Variants in ANKS1A observed in about 807,000 individuals in gnomAD.
ANKS1A encodes ankyrin repeat and sterile alpha motif domain containing 1A.
Under a neutral mutation model 120.3 loss-of-function variants are expected in ANKS1A, and 55 were observed. The observed-to-expected ratio is 0.46, with a 90% CI of 0.37 to 0.57. The LOEUF (loss-of-function observed/expected upper bound fraction) is 0.57. Ranked by LOEUF, ANKS1A falls within the 20% of genes least tolerant of loss-of-function variation. ANKS1A has a pLI of 0.00. For missense variants in ANKS1A, 1,123 were observed against 1,480.3 expected (o/e 0.76, Z 3.96); for synonymous variants, 590 against 604.7 (o/e 0.98, Z 0.36).
intron 10 of ANKS1A, among the ~76,000 whole-genome samples, chr6:35,008,192 A>T (rs10947535): frequency 0.81 from 123,037 of 152,080 alleles, 50,767 homozygotes; most frequent in Non-Finnish European, 0.9. Flanking sequence ...TTAAGCCTTA[A>T]CTTCAGCAGC....
chr6:34,889,311 G>C lies in ANKS1A; in HGVS notation c.-92G>C, dbSNP rs1766667584. The C allele has an allele frequency of 4.1e-6, 5 of 1,223,688 alleles. No individual in the cohort carries two copies. Among genetic ancestry groups the C allele is most frequent in the Admixed American group, 4.3e-5 (1 of 23,310 alleles). 75.8% of individuals were successfully genotyped at this position (1,223,688 alleles called of 1,614,324 possible). ...GGGGTGGTGTCCCCAGCCGGTTTGG[G>C]GGGTGCGTTGCCCGGAGACGGAAAG... On this transcript the variant is annotated 5_prime_UTR_variant, in exon 1 of 24. Transcript: ENST00000360359. This position sits in a 1 kb window ranked among gnomAD's most constrained non-coding sequence, Gnocchi z 5.5.
intron 11 of ANKS1A, among the ~76,000 whole-genome samples, chr6:35,046,790 G>A (rs569900066): frequency 6.6e-6 from 1 of 152,240 alleles, no homozygotes; most frequent in East Asian, 1.9e-4. Flanking sequence ...TATACAAAGT[G>A]AAATCCATTA....
chr6:35,086,840 C>A lies in ANKS1A; in HGVS notation c.3304-112C>A. The A allele has an allele frequency of 1.9e-6, 2 of 1,068,264 alleles. No homozygotes were observed. Among genetic ancestry groups the A allele is most frequent in the Non-Finnish European group, 2.9e-6 (2 of 694,164 alleles). 66.2% of individuals were successfully genotyped at this position (1,068,264 alleles called of 1,614,324 possible). A position where few individuals can be genotyped will look rare whatever the true frequency, so the allele number is the denominator to read the frequency against. On this transcript the variant is annotated intron_variant, in intron 22 of 23. Transcript: ENST00000360359. The surrounding 1 kb of genome is among the most constrained non-coding windows in gnomAD (Gnocchi z 5.1). Reference sequence around the variant, plus strand: ...GCTCTTTGGCCGAGGAGAATAAGGGCTGCCCCTCCCAGCACAGGGGCCACA... The same window carrying A: ...GCTCTTTGGCCGAGGAGAATAAGGGATGCCCCTCCCAGCACAGGGGCCACA...
chr6:34,964,468 G>A (rs1169645897), intron 1 of ANKS1A, among the ~76,000 whole-genome samples: 1 of 152,152 alleles, frequency 6.6e-6, no homozygotes, highest in Non-Finnish European at 1.5e-5. Context: ...GCAGCGGTGT[G>A]TATTATACAA....
chr6:34,893,615 A>G (rs1162370602), intron 1 of ANKS1A, among the ~76,000 whole-genome samples: 1 of 152,242 alleles, frequency 6.6e-6, no homozygotes, highest in Admixed American at 6.5e-5. Flanking sequence ...GACCTGGGAC[A>G]TTGTACGTGG....
Position 35,082,808 on chromosome 6 carries a change from G to A in ANKS1A, c.2827G>A (p.Glu943Lys), listed in dbSNP as rs202232108. The A allele has an allele frequency of 1.9e-6, 3 of 1,613,426 alleles. No homozygotes were observed. The highest frequency in any genetic ancestry group is 1.7e-6 in the Non-Finnish European group (2 of 1,179,650). Residue 943 changes from glutamate to lysine, a missense_variant, in exon 18 of 24, where the codon GAA becomes AAA. Around this residue, in one of 3 missense-constraint regions of ANKS1A, gnomAD observed 904 missense variants for 1,130.4 expected, o/e 0.80. Coordinates refer to ENST00000360359, the MANE Select transcript of ANKS1A (RefSeq NM_015245.3). This position sits in a 1 kb window ranked among gnomAD's most constrained non-coding sequence, Gnocchi z 4.1. The part of the protein sequence containing the change: ...EKLIFESCGY[E>K]ANYLGSMLIK... ...ACTCATCTTCGAGTCCTGTGGTTAT[G>A]AAGCCAATGTGAGTTGCTCCCACCC...
rs182220545 is a variant in ANKS1A at position 34,942,330 on chromosome 6, G to A, written c.198-24909G>A. Among the ~76,000 whole-genome samples, 545 of 152,318 alleles carry A rather than the reference G, an allele frequency of 3.6e-3. 2 individuals carry two copies. Among genetic ancestry groups the A allele is most frequent in the African/African-American group, 9.4e-3 (392 of 41,562 alleles). ...ATGACAGAGGAATTGGAGATTTGCTGTGAACAGCCATCACAAGTAGCCAGA... is the reference window on the plus strand; with the variant it reads ...ATGACAGAGGAATTGGAGATTTGCTATGAACAGCCATCACAAGTAGCCAGA... On this transcript the variant is annotated intron_variant, in intron 1 of 23. Transcript: ENST00000360359.
At chr6:35,061,374 C>T (rs2127591992) in intron 13 of ANKS1A, among the ~76,000 whole-genome samples, 1 of 152,376 alleles carries the variant, frequency 6.6e-6, no homozygotes, top group East Asian at 1.9e-4. Context: ...GACCCACCCG[C>T]TCCGAGGGGA....
chr6:35,001,154 C>G (rs1773146537), intron 10 of ANKS1A, among the ~76,000 whole-genome samples: 1 of 152,116 alleles, frequency 6.6e-6, no homozygotes. Context: ...TTTAGCTTAT[C>G]TGGTATAAAA....
intron 16 of ANKS1A, among the ~76,000 whole-genome samples, chr6:35,080,447 C>T (rs1346965187): frequency 6.6e-6 from 1 of 152,204 alleles, no homozygotes; most frequent in Non-Finnish European, 1.5e-5. Context: ...GCAGGAATGG[C>T]GGTAACTAGA....
At chr6:34,951,125 C>T (rs1280753936) in intron 1 of ANKS1A, among the ~76,000 whole-genome samples, 3 of 152,050 alleles carry the variant, frequency 2.0e-5, no homozygotes, top group African/African-American at 4.8e-5. Context: ...TTTTCCACGT[C>T]GTAGATCTTC....
At chr6:34,980,419 A>G (rs563973748) in intron 3 of ANKS1A, among the ~76,000 whole-genome samples, 1 of 152,340 alleles carries the variant, frequency 6.6e-6, no homozygotes, top group East Asian at 1.9e-4. Context: ...TCTTTCTGGT[A>G]TACTTGGTAT....
chr6:34,967,615 T>G (rs1302469244), intron 2 of ANKS1A, among the ~76,000 whole-genome samples: 1 of 151,984 alleles, frequency 6.6e-6, no homozygotes, highest in East Asian at 1.9e-4. Context: ...GGAGGATTGC[T>G]TAAGCCCAGG....
chr6:34,894,826 A>T (rs1259863686), intron 1 of ANKS1A, among the ~76,000 whole-genome samples: 2 of 152,158 alleles, frequency 1.3e-5, no homozygotes, highest in African/African-American at 2.4e-5. Flanking sequence ...AGTTGAGGAG[A>T]TTATGTTATG....
intron 1 of ANKS1A, among the ~76,000 whole-genome samples, chr6:34,892,908 T>C (rs1457234692): frequency 6.6e-6 from 1 of 152,224 alleles, no homozygotes; most frequent in African/African-American, 2.4e-5. Context: ...AACATGTTGT[T>C]ACAAACTTTG....
intron 11 of ANKS1A, among the ~76,000 whole-genome samples, chr6:35,021,541 G>A (rs1427246552): frequency 6.6e-6 from 1 of 152,228 alleles, no homozygotes; most frequent in East Asian, 1.9e-4. Context: ...GTGTTTCAGA[G>A]TGTTTTACCA....
At chr6:34,987,070 C>T (rs1276191595) in intron 8 of ANKS1A, among the ~76,000 whole-genome samples, 1 of 152,192 alleles carries the variant, frequency 6.6e-6, no homozygotes, top group Non-Finnish European at 1.5e-5. Flanking sequence ...TTCTCTCCCT[C>T]CTGTGGTCCT....
Position 34,987,036 on chromosome 6 carries a change from C to T in ANKS1A, c.1209+1758C>T, listed in dbSNP as rs116398753. On this transcript the variant is annotated intron_variant, in intron 8 of 23. Transcript: ENST00000360359. ...TTGATTTACACAGGTCTCTTTGTTCCCTCCTGCTCTCCTTTTTGCCTCCTT... is the reference window on the plus strand; with the variant it reads ...TTGATTTACACAGGTCTCTTTGTTCTCTCCTGCTCTCCTTTTTGCCTCCTT... Among the ~76,000 whole-genome samples the T allele has an allele frequency of 7.2e-3, 1,093 of 152,266 alleles. 11 individuals are homozygous for T. Among genetic ancestry groups the T allele is most frequent in the African/African-American group, 0.021 (888 of 41,548 alleles).
rs1766705434 is a variant in ANKS1A, at chr6:34,889,735, C to T, written c.197+136C>T. 3 of 1,135,674 alleles carry T rather than the reference C, an allele frequency of 2.6e-6. No individual in the cohort carries two copies. The highest frequency in any genetic ancestry group is 8.9e-5 in the South Asian group (2 of 22,536). 70.3% of individuals were successfully genotyped at this position (1,135,674 alleles called of 1,614,324 possible). Reference sequence around the variant, plus strand: ...GGCGTGCCCGGGGCGAGGCAGGCGGCCCGCGGGCCAGGGTACCGGAGGGCG... The same window carrying T: ...GGCGTGCCCGGGGCGAGGCAGGCGGTCCGCGGGCCAGGGTACCGGAGGGCG... On this transcript the variant is annotated intron_variant, in intron 1 of 23. Coordinates refer to ENST00000360359, the MANE Select transcript of ANKS1A (RefSeq NM_015245.3). The surrounding 1 kb of genome is among the most constrained non-coding windows in gnomAD (Gnocchi z 5.5).
Sources: allele counts gnomAD v4.1 joint callset (sites outside exome capture counted in the v4.1 genomes callset), GRCh38; gene constraint gnomAD v4.1.1; regional missense constraint gnomAD v4.1.1; non-coding constraint Gnocchi (gnomAD v3.1); transcripts MANE v1.5; gene names NCBI Gene and HGNC (gene_info 2026-07-23, HGNC 2026-07-21).